Variants in APBB2 observed in about 807,000 individuals in gnomAD.
The protein encoded by APBB2 is amyloid beta precursor protein binding family B member 2, also known as Fe65-like 1.
APBB2 carries 38 observed loss-of-function variants against 82.5 expected under a neutral mutation model. The ratio of observed to expected loss-of-function variants is 0.46; its 90% CI spans 0.36 to 0.60. The LOEUF is 0.60. Among genes scored for constraint, APBB2 ranks in the 20% least tolerant of loss-of-function variants. APBB2 has a pLI of 0.00. For synonymous variants in APBB2, 341 were observed against 368.2 expected, an observed-to-expected ratio of 0.93 and a Z score of 0.85; for missense variants, 772 against 972.3, an observed-to-expected ratio of 0.79 and a Z score of 2.74.
intron 12 of APBB2, among the ~76,000 whole-genome samples, chr4:40,851,410 T>G (rs1052219579): frequency 1.3e-4 from 20 of 152,190 alleles, no homozygotes; most frequent in African/African-American, 4.8e-4. Flanking sequence ...GCTCTTACAG[T>G]GTTTTAAAAG....
At chr4:41,015,712 G>A (rs761634122) in intron 5 of APBB2, among the ~76,000 whole-genome samples, 2 of 152,088 alleles carry the variant, frequency 1.3e-5, no homozygotes, top group Non-Finnish European at 2.9e-5. Context: ...GAGAGTCAAG[G>A]GCTGTAACCC....
intron 6 of APBB2, among the ~76,000 whole-genome samples, chr4:41,000,545 A>C (rs1804924205): frequency 6.6e-6 from 1 of 152,188 alleles, no homozygotes; most frequent in East Asian, 1.9e-4. Context: ...TCTGACCCTA[A>C]ACCACAGAAA....
chr4:40,857,910 T>C (rs954527382), intron 12 of APBB2, among the ~76,000 whole-genome samples: 2 of 152,192 alleles, frequency 1.3e-5, no homozygotes, highest in Non-Finnish European at 2.9e-5. Flanking sequence ...TTTATAAATC[T>C]GAATAATCAG....
At chr4:41,152,460 C>G (rs1197882693) in intron 1 of APBB2, among the ~76,000 whole-genome samples, 2 of 151,928 alleles carry the variant, frequency 1.3e-5, no homozygotes, top group Non-Finnish European at 2.9e-5. Context: ...GTAGCTGGGA[C>G]TACAGGCGCC....
At chr4:41,201,868 T>C (rs1227236177) in intron 1 of APBB2, among the ~76,000 whole-genome samples, 3 of 152,182 alleles carry the variant, frequency 2.0e-5, no homozygotes, top group Admixed American at 6.5e-5. Flanking sequence ...CGGCCAAAAA[T>C]ACGCCCCACA....
chr4:41,031,266 ATGTT>A (rs1213635545), intron 5 of APBB2, among the ~76,000 whole-genome samples: 3 of 152,114 alleles, frequency 2.0e-5, no homozygotes, highest in Non-Finnish European at 4.4e-5. Flanking sequence ...AAATTCTGGC[ATGTT>A]TGTTTTTAAA....
chr4:41,057,867 G>A (rs1053989931), intron 4 of APBB2, among the ~76,000 whole-genome samples: 6 of 152,122 alleles, frequency 3.9e-5, no homozygotes, highest in South Asian at 2.1e-4. Flanking sequence ...TTTCCTCCCC[G>A]CTCTTCCTTT....
intron 10 of APBB2, among the ~76,000 whole-genome samples, chr4:40,927,578 C>T (rs1327490833): frequency 2.6e-5 from 4 of 152,104 alleles, no homozygotes; most frequent in Admixed American, 2.6e-4. Context: ...CCTCCTTGGG[C>T]TCGAGTGATC....
chr4:41,117,143 G>A (rs1751252681), intron 2 of APBB2, among the ~76,000 whole-genome samples: 1 of 151,922 alleles, frequency 6.6e-6, no homozygotes, highest in Non-Finnish European at 1.5e-5. Flanking sequence ...CACATCACAG[G>A]TATCACATTC....
chr4:40,899,525 G>C (rs1774663175), intron 10 of APBB2, among the ~76,000 whole-genome samples: 2 of 152,132 alleles, frequency 1.3e-5, no homozygotes, highest in African/African-American at 4.8e-5. Flanking sequence ...AGATGGTCTT[G>C]GGTTCGAATT....
intron 2 of APBB2, among the ~76,000 whole-genome samples, chr4:41,107,271 G>A (rs561175259): frequency 1.3e-5 from 2 of 152,192 alleles, no homozygotes; most frequent in Admixed American, 1.3e-4. Flanking sequence ...AGATCACACC[G>A]CTGCACTCCA....
intron 6 of APBB2, among the ~76,000 whole-genome samples, chr4:40,983,194 C>G (rs1389508619): frequency 6.6e-6 from 1 of 152,160 alleles, no homozygotes; most frequent in Non-Finnish European, 1.5e-5. Context: ...TGACTTGCCT[C>G]GGTTCATAGA....
chr4:40,973,477 C>T (rs1441354390), intron 6 of APBB2, among the ~76,000 whole-genome samples: 1 of 152,214 alleles, frequency 6.6e-6, no homozygotes, highest in African/African-American at 2.4e-5. Flanking sequence ...GTGCTCTCAC[C>T]CCTGTGTCTC....
At chr4:41,093,114 T>A (rs1287594821) in intron 3 of APBB2, among the ~76,000 whole-genome samples, 6 of 152,176 alleles carry the variant, frequency 3.9e-5, no homozygotes, top group African/African-American at 1.4e-4. Flanking sequence ...TGTGCTGCTC[T>A]CCTGGAAGAT....
At chr4:40,995,986 T>C (rs1803539241) in intron 6 of APBB2, among the ~76,000 whole-genome samples, 4 of 152,212 alleles carry the variant, frequency 2.6e-5, no homozygotes, top group Admixed American at 2.6e-4. Context: ...CTGCTTTTAA[T>C]GCCTGGTTTT....
At chr4:41,056,748 A>C (rs1490883961) in intron 4 of APBB2, among the ~76,000 whole-genome samples, 2 of 152,218 alleles carry the variant, frequency 1.3e-5, no homozygotes, top group African/African-American at 4.8e-5. Flanking sequence ...GCGTCTTTAT[A>C]AACTGCACCC....
rs957357172 is a variant in APBB2, at chr4:41,065,682, G to C, written c.-148-9C>G. 2.0e-5 allele frequency: 3 copies of C among 150,808 alleles called. No individual in the cohort carries two copies. The highest frequency in any genetic ancestry group is 6.6e-5 in the Admixed American group (1 of 15,216). 9.3% of individuals were successfully genotyped at this position (150,808 alleles called of 1,614,324 possible). ...AAGACTGAGATGGTTAGCTGTGGTG[G>C]GGGGAGAAAAAAAAAAGGTAGAAAC... On this transcript the variant is annotated splice_polypyrimidine_tract_variant and intron_variant, in intron 3 of 17. Coordinates refer to ENST00000508593, the MANE Select transcript of APBB2 (RefSeq NM_004307.2).
At chr4:40,888,114 T>A (rs1228369800) in intron 12 of APBB2, among the ~76,000 whole-genome samples, 1 of 152,246 alleles carries the variant, frequency 6.6e-6, no homozygotes, top group East Asian at 1.9e-4. Context: ...TGCTAGCGTG[T>A]GTTTAAAAAT....
intron 6 of APBB2, among the ~76,000 whole-genome samples, chr4:40,967,471 T>A (rs1794950713): frequency 6.6e-6 from 1 of 152,160 alleles, no homozygotes; most frequent in African/African-American, 2.4e-5. Context: ...GTTCCTGGCA[T>A]CTCCAAGCTT....
Sources: allele counts gnomAD v4.1 joint callset (sites outside exome capture counted in the v4.1 genomes callset), GRCh38; gene constraint gnomAD v4.1.1; transcripts MANE v1.5; gene names NCBI Gene and HGNC (gene_info 2026-07-23, HGNC 2026-07-21).